KCNQ5: variants seen among roughly 807,000 people sequenced by gnomAD.
KCNQ5 encodes the protein potassium voltage-gated channel subfamily Q member 5, also known as potassium voltage-gated channel subfamily KQT member 5.
KCNQ5 carries 30 observed loss-of-function variants against 98.2 expected under a neutral mutation model. That is an observed-to-expected ratio of 0.31 (90% CI 0.23 to 0.41). KCNQ5 has a LOEUF of 0.41. Ranked by LOEUF, KCNQ5 falls within the 10% of genes least tolerant of loss-of-function variation. The pLI, the probability that KCNQ5 is intolerant of heterozygous loss-of-function variation, is 1.00. For synonymous variants in KCNQ5, 458 were observed against 449.4 expected (o/e 1.02, Z -0.24); for missense variants, 835 against 1,182.5 (o/e 0.71, Z 4.31).
chr6:72,745,879 T>C (rs1044938617), intron 1 of KCNQ5, among the ~76,000 whole-genome samples: 1 of 152,098 alleles, frequency 6.6e-6, no homozygotes, highest in Non-Finnish European at 1.5e-5. Context: ...CCTTGACCTG[T>C]GTTGGCGTGT....
intron 1 of KCNQ5, among the ~76,000 whole-genome samples, chr6:72,798,127 C>T (rs1774438262): frequency 1.3e-5 from 2 of 152,264 alleles, no homozygotes; most frequent in Admixed American, 6.5e-5. Context: ...AGAACACAGT[C>T]ACTATGAGAT....
At chr6:72,626,409 C>T (rs2098917996) in intron 1 of KCNQ5, among the ~76,000 whole-genome samples, 1 of 152,108 alleles carries the variant, frequency 6.6e-6, no homozygotes, top group South Asian at 2.1e-4. Flanking sequence ...ATTCTAGGTA[C>T]TGTTAAGTAT....
intron 6 of KCNQ5, among the ~76,000 whole-genome samples, chr6:73,110,781 C>T (rs1775211946): frequency 6.6e-6 from 1 of 152,166 alleles, no homozygotes; most frequent in African/African-American, 2.4e-5. Context: ...GTCCTCTCTC[C>T]TCCATTTCAT....
chr6:73,101,889 G>GA (rs1562179581), intron 5 of KCNQ5, among the ~76,000 whole-genome samples: 1 of 151,976 alleles, frequency 6.6e-6, no homozygotes, highest in Non-Finnish European at 1.5e-5. Context: ...CACATAAATG[G>GA]AAAAAACAGT....
chr6:72,799,583 C>G (rs1215740786), intron 1 of KCNQ5, among the ~76,000 whole-genome samples: 2 of 152,278 alleles, frequency 1.3e-5, no homozygotes, highest in Non-Finnish European at 2.9e-5. Flanking sequence ...CATTTCAACT[C>G]AAGAAAAAGA....
intron 1 of KCNQ5, among the ~76,000 whole-genome samples, chr6:72,896,199 A>G (rs561854015): frequency 2.0e-5 from 3 of 152,326 alleles, no homozygotes; most frequent in African/African-American, 7.2e-5. Flanking sequence ...TGAAAATAAT[A>G]CTTCTATAGT....
intron 3 of KCNQ5, among the ~76,000 whole-genome samples, chr6:73,065,648 G>A (rs925537686): frequency 2.6e-5 from 4 of 152,220 alleles, no homozygotes; most frequent in Admixed American, 6.5e-5. Flanking sequence ...CAAAGCTGTC[G>A]TGATCTGGCT....
intron 1 of KCNQ5, among the ~76,000 whole-genome samples, chr6:72,979,864 G>A (rs916399404): frequency 5.3e-5 from 8 of 152,188 alleles, no homozygotes; most frequent in Non-Finnish European, 1.0e-4. Context: ...AAGGTGTAAG[G>A]AAGGGATCCA....
At chr6:73,080,773 A>AT (rs776171618) in intron 5 of KCNQ5, among the ~76,000 whole-genome samples, 58 of 152,230 alleles carry the variant, frequency 3.8e-4, no homozygotes, top group Non-Finnish European at 1.0e-4. Flanking sequence ...CAGTATCAAC[A>AT]TTAAGTATCA....
At chr6:73,013,827 G>A (rs1018067009) in intron 2 of KCNQ5, among the ~76,000 whole-genome samples, 3 of 152,068 alleles carry the variant, frequency 2.0e-5, no homozygotes, top group African/African-American at 7.2e-5. Flanking sequence ...TTCCATATAT[G>A]CCAAATAAGG....
At chr6:72,733,911 T>G (rs950809057) in intron 1 of KCNQ5, among the ~76,000 whole-genome samples, 1 of 152,216 alleles carries the variant, frequency 6.6e-6, no homozygotes, top group African/African-American at 2.4e-5. Flanking sequence ...CCATTAGTGC[T>G]CTACTCAGTA....
At chr6:73,004,460 A>T (rs1420918472) in intron 2 of KCNQ5, among the ~76,000 whole-genome samples, 1 of 152,206 alleles carries the variant, frequency 6.6e-6, no homozygotes, top group African/African-American at 2.4e-5. Flanking sequence ...AGGCTCCTTC[A>T]TGCTCTTTTC....
intron 1 of KCNQ5, among the ~76,000 whole-genome samples, chr6:72,733,930 A>G (rs1770687674): frequency 6.6e-6 from 1 of 152,306 alleles, no homozygotes; most frequent in Admixed American, 6.5e-5. Flanking sequence ...TAATTCAGGT[A>G]TAAGGTAGCT....
intron 1 of KCNQ5, among the ~76,000 whole-genome samples, chr6:72,887,330 T>G (rs564305475): frequency 6.6e-6 from 1 of 152,144 alleles, no homozygotes; most frequent in South Asian, 2.1e-4. Flanking sequence ...AACTCACCAT[T>G]TTGAAAACCA....
At chr6:73,116,678 A>T (rs561612372) in intron 7 of KCNQ5, among the ~76,000 whole-genome samples, 2 of 152,180 alleles carry the variant, frequency 1.3e-5, no homozygotes, top group Non-Finnish European at 2.9e-5. Context: ...CCTGTCTCAA[A>T]AATAATAATA....
rs779944477 is a variant in KCNQ5 at position 73,129,768 on chromosome 6, G to A, written c.1248-3653G>A. The A allele has an allele frequency of 1.6e-5, 26 of 1,599,462 alleles. No homozygotes were observed. In the African/African-American group the frequency reaches 3.1e-4, roughly 19 times the overall value. On this transcript the variant is annotated intron_variant, in intron 9 of 13. Transcript: ENST00000370398. ...CTATTCGTGAAATGCTTAGTAATGTGCTGCTCTATTTCCCTCACTCCTAGT... is the reference window on the plus strand; with the variant it reads ...CTATTCGTGAAATGCTTAGTAATGTACTGCTCTATTTCCCTCACTCCTAGT...
At chr6:72,750,097 A>T (rs900236032) in intron 1 of KCNQ5, among the ~76,000 whole-genome samples, 4 of 152,014 alleles carry the variant, frequency 2.6e-5, no homozygotes, top group Admixed American at 6.6e-5. Flanking sequence ...GCAAAATGTA[A>T]TTTTTTTATG....
At chr6:73,149,167 A>G (rs1205629669) in intron 10 of KCNQ5, among the ~76,000 whole-genome samples, 2 of 152,176 alleles carry the variant, frequency 1.3e-5, no homozygotes, top group Non-Finnish European at 1.5e-5. Context: ...ATGAAACAAG[A>G]TGGGATGAGA....
intron 1 of KCNQ5, among the ~76,000 whole-genome samples, chr6:73,002,489 T>C (rs1769627148): frequency 6.6e-6 from 1 of 152,200 alleles, no homozygotes; most frequent in Non-Finnish European, 1.5e-5. Flanking sequence ...AGATAATTGA[T>C]AATGTAAGAA....
Sources: gnomAD v4.1 joint callset for allele counts (sites outside exome capture counted in the v4.1 genomes callset) on GRCh38, gnomAD v4.1.1 for gene constraint, MANE v1.5 for transcripts, NCBI Gene and HGNC (gene_info 2026-07-23, HGNC 2026-07-21) for gene names.